Variants in INPP5D observed in about 807,000 individuals in gnomAD.
The protein encoded by INPP5D is phosphatidylinositol 3,4,5-trisphosphate 5-phosphatase 1.
In INPP5D, 33 loss-of-function variants were observed where a neutral mutation model predicts 122.9. The observed-to-expected ratio is 0.27, with a 90% CI of 0.20 to 0.36. INPP5D has a LOEUF of 0.36. Ranked by LOEUF, INPP5D falls within the 10% of genes least tolerant of loss-of-function variation. The probability of loss-of-function intolerance (pLI) is 1.00; values close to 1 mark genes in which losing one functional copy is unlikely to be tolerated. For synonymous variants in INPP5D, 584 were observed against 576.2 expected (o/e 1.01, Z -0.19); for missense variants, 1,053 against 1,412.7 (o/e 0.75, Z 4.08).
At chr2:233,185,332 C>T (rs991168597) in intron 20 of INPP5D, among the ~76,000 whole-genome samples, 2 of 152,198 alleles carry the variant, frequency 1.3e-5, no homozygotes, top group African/African-American at 4.8e-5. Context: ...GCCTTTGTCA[C>T]TGAGTCCCCA....
At position 233,188,461 on chromosome 2, in the gene INPP5D, GC is replaced by G. The variant is rs941914446; in HGVS notation, c.2359-1388del. On this transcript the variant is annotated intron_variant, in intron 21 of 26. Coordinates refer to ENST00000445964, the MANE Select transcript of INPP5D (RefSeq NM_001017915.3). This position sits in a 1 kb window ranked among gnomAD's most constrained non-coding sequence, Gnocchi z 4.7. ...AACCCCAGCTCTGGCCCTGGGTCTA[GC>G]TTAGAGCCTGACATCACCTCATGCC... Among the ~76,000 whole-genome samples, 76 of 152,300 alleles carry G rather than the reference GC, an allele frequency of 5.0e-4. No individual in the cohort carries two copies. The highest frequency in any genetic ancestry group is 1.7e-3 in the African/African-American group (69 of 41,564).
intron 13 of INPP5D, among the ~76,000 whole-genome samples, chr2:233,166,590 T>C: frequency 6.8e-6 from 1 of 146,104 alleles, no homozygotes. Context: ...CACACACACC[T>C]TCCCCTCCTT....
chr2:233,127,587 C>T (rs1022917008), intron 4 of INPP5D, among the ~76,000 whole-genome samples: 15 of 152,184 alleles, frequency 9.9e-5, no homozygotes, highest in African/African-American at 3.6e-4. Context: ...TAGTTTACAT[C>T]TTTATGTCAA....
intron 2 of INPP5D, among the ~76,000 whole-genome samples, chr2:233,086,161 C>CTTTCTTTCTTTCTTTCTTTCTTTCTTTA (rs1559282323): frequency 6.8e-6 from 1 of 146,754 alleles, no homozygotes; most frequent in African/African-American, 2.5e-5. Flanking sequence ...TTCTTTCTTT[C>CTTTCTTTCTTTCTTTCTTTCTTTCTTTA]TTTCTTTCTT....
chr2:233,191,747 A>C (rs1695061631), intron 22 of INPP5D, among the ~76,000 whole-genome samples: 3 of 152,212 alleles, frequency 2.0e-5, no homozygotes, highest in African/African-American at 4.8e-5. Flanking sequence ...GAGTGAACAA[A>C]GCATGAGGAG....
Position 233,177,153 on chromosome 2 carries a change from C to A in INPP5D, c.1990-112C>A. 1 of 1,429,132 alleles carries A rather than the reference C, an allele frequency of 7.0e-7. No individual in the cohort carries two copies. The highest frequency in any genetic ancestry group is 9.5e-7 in the Non-Finnish European group (1 of 1,053,176). The allele number at this position is 1,429,132 out of a possible 1,614,324, so 88.5% of individuals were successfully genotyped here. A position where few individuals can be genotyped will look rare whatever the true frequency, so the allele number is the denominator to read the frequency against. On this transcript the variant is annotated intron_variant, in intron 17 of 26. Coordinates refer to ENST00000445964, the MANE Select transcript of INPP5D (RefSeq NM_001017915.3). The surrounding 1 kb of genome is among the most constrained non-coding windows in gnomAD (Gnocchi z 4.2). ...CCTACAGGGAAATTCTATAAAAAGC[C>A]AACAGCCGATGAATTTGAGGATTAC... is the stretch of plus-strand genomic sequence containing the variant.
intron 9 of INPP5D, among the ~76,000 whole-genome samples, chr2:233,150,156 A>G (rs956611913): frequency 2.0e-4 from 30 of 152,286 alleles, no homozygotes; most frequent in Admixed American, 4.6e-4. Flanking sequence ...CTGTGTCCCC[A>G]CCCAAATCTC....
Position 233,164,496 on chromosome 2 carries a change from C to G in INPP5D, c.1555+72C>G. On this transcript the variant is annotated intron_variant, in intron 13 of 26. Transcript: ENST00000445964. This position sits in a 1 kb window ranked among gnomAD's most constrained non-coding sequence, Gnocchi z 4.3. The stretch of plus-strand genomic sequence containing the variant: ...ACTCTCGCGACCACATCATCCTGAT[C>G]CCACCAGTAGTTCCCCGGGTTAAAA... 1 of 1,454,180 alleles carries G rather than the reference C, an allele frequency of 6.9e-7. No individual in the cohort carries two copies. Among genetic ancestry groups the G allele is most frequent in the Non-Finnish European group, 9.2e-7 (1 of 1,091,048 alleles). 90.1% of individuals were successfully genotyped at this position (1,454,180 alleles called of 1,614,324 possible). A position where few individuals can be genotyped will look rare whatever the true frequency, so the allele number is the denominator to read the frequency against.
chr2:233,060,695 A>T, intron 1 of INPP5D, 83 bp downstream of exon 1: 1 of 1,555,674 alleles, frequency 6.4e-7, no homozygotes, highest in East Asian at 2.3e-5. Context: ...GGTTGTTCTT[A>T]TGTCACAGGA....
At chr2:233,108,080 T>C (rs1397283003) in intron 2 of INPP5D, among the ~76,000 whole-genome samples, 2 of 151,970 alleles carry the variant, frequency 1.3e-5, no homozygotes, top group Non-Finnish European at 2.9e-5. Flanking sequence ...GGGGCGGACC[T>C]CCTGTCCTCC....
rs186903056 is a variant in INPP5D at position 233,107,798 on chromosome 2, C to T, written c.199-14309C>T. Among the ~76,000 whole-genome samples the T allele has an allele frequency of 3.9e-5, 6 of 152,220 alleles. No homozygotes were observed. In the East Asian group the frequency reaches 1.2e-3, roughly 29 times the overall value. ...GGAGTCATGATGTCCCTGCTGGCCC[C>T]AGCTGGCGGGTGGTTGGAGACAGGG... On this transcript the variant is annotated intron_variant, in intron 2 of 26. Transcript: ENST00000445964.
In INPP5D at chr2:233,161,857, C is replaced by A. The variant is rs751116963; in HGVS notation, c.1240+31C>A. On this transcript the variant is annotated intron_variant, in intron 11 of 26. Coordinates refer to ENST00000445964, the MANE Select transcript of INPP5D (RefSeq NM_001017915.3). ...TCCGCGCGCCCCCTCCCTGCAGTCA[C>A]CCCCTCTGCTTCTGCTTTCCTGACT... is the stretch of plus-strand genomic sequence containing the variant. The A allele has an allele frequency of 5.0e-6, 8 of 1,595,308 alleles. No homozygotes were observed. The East Asian group carries it at 1.8e-4, about 36-fold the overall frequency.
intron 19 of INPP5D, among the ~76,000 whole-genome samples, 180 bp downstream of exon 19, chr2:233,182,679 T>C (rs898369891): frequency 1.3e-5 from 2 of 152,174 alleles, no homozygotes; most frequent in African/African-American, 4.8e-5. Flanking sequence ...CCAGAGAATT[T>C]ACTTGCTCTG....
In INPP5D at chr2:233,169,483, C is replaced by G. The variant is rs536617083; in HGVS notation, c.1652+82C>G. On this transcript the variant is annotated intron_variant, in intron 14 of 26. Coordinates refer to ENST00000445964, the MANE Select transcript of INPP5D (RefSeq NM_001017915.3). Reference sequence around the variant, plus strand: ...CTCACACCTTTAAGCACCAGAAGGACCTGCTCAGCTCCTGCCTTTGACCTT... The same window carrying G: ...CTCACACCTTTAAGCACCAGAAGGAGCTGCTCAGCTCCTGCCTTTGACCTT... The G allele has an allele frequency of 7.2e-5, 111 of 1,536,354 alleles. No individual in the cohort carries two copies. In the South Asian group the frequency reaches 1.3e-3, roughly 18 times the overall value.
intron 13 of INPP5D, among the ~76,000 whole-genome samples, chr2:233,165,678 G>T (rs1694314787): frequency 6.6e-6 from 1 of 152,090 alleles, no homozygotes; most frequent in Admixed American, 6.6e-5. Flanking sequence ...GTGTGTTTAT[G>T]TGAGTCTATG....
intron 2 of INPP5D, among the ~76,000 whole-genome samples, chr2:233,083,313 C>T (rs753127520): frequency 3.9e-5 from 6 of 152,198 alleles, no homozygotes; most frequent in Middle Eastern, 3.2e-3. Context: ...TTTTGGAACT[C>T]CATCTCCCTC....
chr2:233,204,756 G>T, intron 26 of INPP5D, 39 bp downstream of exon 26: 1 of 1,447,412 alleles, frequency 6.9e-7, no homozygotes, highest in South Asian at 1.4e-5. Flanking sequence ...GCATTTGTGT[G>T]TGTGTGCATG....
chr2:233,079,551 C>G (rs1306037214), intron 2 of INPP5D, among the ~76,000 whole-genome samples, 153 bp downstream of exon 2: 3 of 152,138 alleles, frequency 2.0e-5, no homozygotes, highest in African/African-American at 7.2e-5. Flanking sequence ...CATGGGGTGG[C>G]TTAGCTGGTA....
At chr2:233,169,600 T>C in intron 14 of INPP5D, 199 bp downstream of exon 14, 1 of 789,940 alleles carries the variant, frequency 1.3e-6, no homozygotes, top group Non-Finnish European at 1.9e-6. Flanking sequence ...GAATTTTGTC[T>C]GAAGGTCAGA....
Sources: gnomAD v4.1 joint callset for allele counts (sites outside exome capture counted in the v4.1 genomes callset) on GRCh38, gnomAD v4.1.1 for gene constraint, Gnocchi (gnomAD v3.1) non-coding constraint, MANE v1.5 for transcripts, NCBI Gene and HGNC (gene_info 2026-07-23, HGNC 2026-07-21) for gene names.